WDCP: variants seen among roughly 807,000 people sequenced by gnomAD.
The protein encoded by WDCP is WD repeat and coiled-coil-containing protein.
A neutral mutation model predicts 41.6 loss-of-function variants in WDCP; 19 were observed. The observed-to-expected ratio is 0.46, with a 90% CI of 0.32 to 0.67. The LOEUF is 0.67. Among genes scored for constraint, WDCP ranks in the 30% least tolerant of loss-of-function variants. WDCP has a pLI of 0.04. For synonymous variants in WDCP, 302 were observed against 320.8 expected, an observed-to-expected ratio of 0.94 and a Z score of 0.63; for missense variants, 802 against 850.7, an observed-to-expected ratio of 0.94 and a Z score of 0.71.
chr2:24,036,225 G>A (rs1663252513), intron 2 of WDCP, among the ~76,000 whole-genome samples: 1 of 151,956 alleles, frequency 6.6e-6, no homozygotes, highest in South Asian at 2.1e-4. Flanking sequence ...TAGGGTTGGG[G>A]CCACATGCAG....
At chr2:24,044,665 A>G (rs1663555738) in intron 1 of WDCP, among the ~76,000 whole-genome samples, 1 of 152,266 alleles carries the variant, frequency 6.6e-6, no homozygotes, top group South Asian at 2.1e-4. Context: ...TGATAATTAC[A>G]AAAATCTGCT....
intron 1 of WDCP, among the ~76,000 whole-genome samples, chr2:24,045,063 T>A (rs1663568992): frequency 1.3e-5 from 2 of 152,314 alleles, no homozygotes; most frequent in South Asian, 4.1e-4. Flanking sequence ...ATATGCAGAA[T>A]GGACCTGAGA....
intron 1 of WDCP, among the ~76,000 whole-genome samples, chr2:24,044,694 G>C (rs1663556442): frequency 6.6e-6 from 1 of 151,928 alleles, no homozygotes; most frequent in Non-Finnish European, 1.5e-5. Flanking sequence ...TTCTACTCCT[G>C]TGTTAGCCCA....
At position 24,030,770 on chromosome 2, in the gene WDCP, C is replaced by A; in HGVS notation, c.*163G>T. 1 of 614,436 alleles carries A rather than the reference C, an allele frequency of 1.6e-6. No homozygotes were observed. Among genetic ancestry groups the A allele is most frequent in the Non-Finnish European group, 2.9e-6 (1 of 341,200 alleles). The allele number at this position is 614,436 out of a possible 1,614,324, so 38.1% of individuals were successfully genotyped here. On this transcript the variant is annotated 3_prime_UTR_variant, in exon 4 of 4. Transcript: ENST00000295148. ...AAGACTGAGCTCTGCTACACAGCAG[C>A]GAGCCTCAGCTCAGGGGAAACAGGG...
chr2:24,032,856 CAA>C lies in WDCP; in HGVS notation c.1907_1908del (p.Phe636TrpfsTer6), dbSNP rs768001991. On this transcript the variant is annotated frameshift_variant, in exon 3 of 4. Coordinates refer to ENST00000295148, the MANE Select transcript of WDCP (RefSeq NM_025203.3). LOFTEE classifies it low-confidence loss of function (END_TRUNC). ...TGTAGCATTTCAATGAGAGAAAGGCCAAAAGTCTGCTGAACTGTACTGAGCCT... is the reference window on the plus strand; with the variant it reads ...TGTAGCATTTCAATGAGAGAAAGGCCAAGTCTGCTGAACTGTACTGAGCCT... Reference protein sequence around the residue: ...KLRLSTVQQTFGLSLIEMLHD... With the variant: ...KLRLSTVQQTXGLSLIEMLHD... 1 of 1,612,882 alleles carries C rather than the reference CAA, an allele frequency of 6.2e-7. No homozygotes were observed. The highest frequency in any genetic ancestry group is 2.2e-5 in the East Asian group (1 of 44,876).
At chr2:24,036,076 AT>A (rs973418289) in intron 2 of WDCP, among the ~76,000 whole-genome samples, 10 of 148,298 alleles carry the variant, frequency 6.7e-5, no homozygotes, top group African/African-American at 2.2e-4. Flanking sequence ...AAATAAATAA[AT>A]AAATAAATAA....
At position 24,038,986 on chromosome 2, in the gene WDCP, C is replaced by T; in HGVS notation, c.509G>A (p.Arg170Lys). Residue 170 changes from arginine (R) to lysine (K), a missense_variant, in exon 2 of 4, where the codon AGG becomes AAG. By Grantham distance (26) the Arg-to-Lys change is conservative. This residue lies in a region of WDCP where 214 missense variants were observed against 252.9 expected (regional missense o/e 0.85). Transcript: ENST00000295148. ...HCACWTQDGLRLVVAVGSSLH... is the reference protein window; with the variant it reads ...HCACWTQDGLKLVVAVGSSLH... Reference sequence around the variant, plus strand: ...GCTGCTGCCTACTGCCACCACCAGCCTCAGGCCATCCTGGGTCCAACATGC... The same window carrying T: ...GCTGCTGCCTACTGCCACCACCAGCTTCAGGCCATCCTGGGTCCAACATGC... 6.2e-7 allele frequency: 1 copy of T among 1,614,194 alleles called. No individual in the cohort carries two copies. The highest frequency in any genetic ancestry group is 1.6e-4 in the Middle Eastern group (1 of 6,062).
At chr2:24,035,816 A>T (rs1176421938) in intron 2 of WDCP, among the ~76,000 whole-genome samples, 1 of 151,856 alleles carries the variant, frequency 6.6e-6, no homozygotes, top group Non-Finnish European at 1.5e-5. Context: ...TACACGTGTA[A>T]TCTCAGCACT....
chr2:24,036,089 TA>T (rs937376277), intron 2 of WDCP, among the ~76,000 whole-genome samples: 5 of 147,544 alleles, frequency 3.4e-5, no homozygotes, highest in African/African-American at 1.2e-4. Context: ...AATAAATAAA[TA>T]AATAAATAAA....
At chr2:24,033,326 C>T in intron 2 of WDCP, 2 of 329,134 alleles carry the variant, frequency 6.1e-6, no homozygotes, top group Middle Eastern at 6.1e-4. Flanking sequence ...AAAAAAAATG[C>T]CGAGAGAGTG....
In WDCP at chr2:24,038,732, C is replaced by T. The variant is rs1255799221; in HGVS notation, c.763G>A (p.Gly255Ser). ...DMTPYALPVI[G>S]EVRSMDKEAT... is the part of the protein sequence containing the mutation. ...TCTTTATCCATAGAGCGTACTTCAC[C>T]AATAACTGGTAAAGCATACGGAGTC... is the stretch of plus-strand genomic sequence containing the variant. Residue 255 changes from glycine to serine, a missense_variant, in exon 2 of 4, where the codon GGT becomes AGT. Physicochemically the swap from Gly to Ser is moderately conservative, Grantham distance 56. This residue lies in a region of WDCP where 247 missense variants were observed against 240.5 expected (regional missense o/e 1.03). Coordinates refer to ENST00000295148, the MANE Select transcript of WDCP (RefSeq NM_025203.3). 1 of 1,614,138 alleles carries T rather than the reference C, an allele frequency of 6.2e-7. No homozygotes were observed. The highest frequency in any genetic ancestry group is 1.7e-5 in the Admixed American group (1 of 60,012).
chr2:24,035,923 G>C (rs1663236633), intron 2 of WDCP, among the ~76,000 whole-genome samples: 1 of 151,846 alleles, frequency 6.6e-6, no homozygotes, highest in Non-Finnish European at 1.5e-5. Flanking sequence ...ACAAAAATTA[G>C]CCAGGTGTGG....
At position 24,032,904 on chromosome 2, in the gene WDCP, G is replaced by C. The variant is rs1268583355; in HGVS notation, c.1861C>G (p.Leu621Val). ...LGPVVEKRAV[L>V]LCDGKLRLST... ...AGCCTTAGTTTACCATCACAGAGAA[G>C]CACCGCTCTTTTTTCAACAACAGGA... The change falls in exon 3 of 4, where the codon CTT becomes GTT. Residue 621 changes from leucine to valine, a missense_variant. Physicochemically the swap from Leu to Val is conservative, Grantham distance 32. This residue lies in a region of WDCP where 321 missense variants were observed against 305.1 expected (regional missense o/e 1.05). Coordinates refer to ENST00000295148, the MANE Select transcript of WDCP (RefSeq NM_025203.3). 14 of 1,613,530 alleles carry C rather than the reference G, an allele frequency of 8.7e-6. No individual in the cohort carries two copies. Among genetic ancestry groups the C allele is most frequent in the African/African-American group, 2.7e-5 (2 of 74,860 alleles).
At position 24,039,540 on chromosome 2, in the gene WDCP, C is replaced by T. The variant is rs1663360079; in HGVS notation, c.-18-28G>A. Reference sequence around the variant, plus strand: ...GAAATGATTAAGAAGGAAAGTTACACCATGAGAAATCTAGACAAATCTAGA... The same window carrying T: ...GAAATGATTAAGAAGGAAAGTTACATCATGAGAAATCTAGACAAATCTAGA... On this transcript the variant is annotated intron_variant, in intron 1 of 3. Coordinates refer to ENST00000295148, the MANE Select transcript of WDCP (RefSeq NM_025203.3). 7 of 1,581,784 alleles carry T rather than the reference C, an allele frequency of 4.4e-6. 1 individual carries two copies. Among genetic ancestry groups the T allele is most frequent in the Non-Finnish European group, 8.6e-7 (1 of 1,160,936 alleles).
intron 3 of WDCP, 95 bp from the exon 4 acceptor site, chr2:24,031,257 T>C (rs1176015571): frequency 2.6e-6 from 2 of 773,338 alleles, no homozygotes; most frequent in Non-Finnish European, 2.1e-6. Context: ...TGAAGGAATA[T>C]AGTAGTTGAT....
In WDCP at chr2:24,032,292, G is replaced by A. The variant is rs1229241819; in HGVS notation, c.1936+537C>T. On this transcript the variant is annotated intron_variant, in intron 3 of 3. Transcript: ENST00000295148. ...AGCACTTTGGGAGGCCGAGGCAGGC[G>A]GATTGCCTGAGCTCAGCCTGGGCAA... is the stretch of plus-strand genomic sequence containing the variant. Among the ~76,000 whole-genome samples, 5 of 152,296 alleles carry A rather than the reference G, an allele frequency of 3.3e-5. No individual in the cohort carries two copies. The East Asian group carries it at 7.7e-4, about 24-fold the overall frequency.
chr2:24,046,404 C>T (rs1663626940), intron 1 of WDCP, among the ~76,000 whole-genome samples: 1 of 152,168 alleles, frequency 6.6e-6, no homozygotes, highest in African/African-American at 2.4e-5. Flanking sequence ...TCACAATCTC[C>T]AGAGTATAAG....
Position 24,043,105 on chromosome 2 carries a change from G to A in WDCP, c.-18-3593C>T, listed in dbSNP as rs140156181. 9.6e-3 allele frequency among the ~76,000 whole-genome samples: 1,460 copies of A among 151,906 alleles called. 21 individuals carry two copies. Among genetic ancestry groups the A allele is most frequent in the African/African-American group, 0.031 (1,297 of 41,382 alleles). On this transcript the variant is annotated intron_variant, in intron 1 of 3. Coordinates refer to ENST00000295148, the MANE Select transcript of WDCP (RefSeq NM_025203.3). ...TCCGAGCACTTTGGCAGGCCAAGGC[G>A]GGTGGATCACCTGAGGTCAGGATTT...
At chr2:24,036,013 G>A (rs756801185) in intron 2 of WDCP, among the ~76,000 whole-genome samples, 15 of 150,612 alleles carry the variant, frequency 1.0e-4, no homozygotes, top group Non-Finnish European at 1.5e-4. Context: ...AGGTTGCAGC[G>A]AGCTGAGATC....
Sources: gnomAD v4.1 joint callset for allele counts (sites outside exome capture counted in the v4.1 genomes callset) on GRCh38, gnomAD v4.1.1 for gene constraint, gnomAD v4.1.1 regional missense constraint, MANE v1.5 for transcripts, NCBI Gene and HGNC (gene_info 2026-07-23, HGNC 2026-07-21) for gene names.